KLHDC10: variants seen among roughly 807,000 people sequenced by gnomAD.
KLHDC10 encodes the protein kelch domain-containing protein 10.
Under a neutral mutation model 56.1 loss-of-function variants are expected in KLHDC10, and 24 were observed. The observed-to-expected ratio is 0.43, with a 90% CI of 0.31 to 0.60. The LOEUF (loss-of-function observed/expected upper bound fraction) is 0.60, where lower values mean the gene tolerates loss of function less well. Among genes scored for constraint, KLHDC10 ranks in the 20% least tolerant of loss-of-function variants. KLHDC10 has a pLI of 0.11. For synonymous variants in KLHDC10, 188 were observed against 207.1 expected (o/e 0.91, Z 0.79); for missense variants, 349 against 567.0 (o/e 0.62, Z 3.91).
chr7:130,110,796 T>A (rs75305171), intron 2 of KLHDC10, among the ~76,000 whole-genome samples: 9 of 152,210 alleles, frequency 5.9e-5, no homozygotes, highest in Non-Finnish European at 8.8e-5. Context: ...AGTTTTTTTT[T>A]AAAATGGCCT....
At chr7:130,082,349 G>C (rs1047787912) in intron 1 of KLHDC10, among the ~76,000 whole-genome samples, 5 of 152,100 alleles carry the variant, frequency 3.3e-5, no homozygotes, top group African/African-American at 1.2e-4. Flanking sequence ...ATTGGAAAAC[G>C]TAGAAAAATT....
At chr7:130,093,719 T>C (rs1223114403) in intron 1 of KLHDC10, among the ~76,000 whole-genome samples, 5 of 152,142 alleles carry the variant, frequency 3.3e-5, no homozygotes, top group Non-Finnish European at 7.4e-5. Context: ...TGGTTTCTCT[T>C]TTTTCTGCTC....
chr7:130,082,751 T>G (rs1470996022), intron 1 of KLHDC10, among the ~76,000 whole-genome samples: 1 of 152,238 alleles, frequency 6.6e-6, no homozygotes. Context: ...TCTACTCAAG[T>G]GCTCTTACTA....
intron 8 of KLHDC10, 132 bp downstream of exon 8, chr7:130,127,583 G>A (rs1317218132): frequency 3.1e-6 from 2 of 654,654 alleles, no homozygotes; most frequent in African/African-American, 1.8e-5. Context: ...AAACTTAAAG[G>A]GAAATTCATA....
Position 130,075,495 on chromosome 7 carries a change from A to G in KLHDC10, c.166+4686A>G, listed in dbSNP as rs1025916928. 4.6e-5 allele frequency among the ~76,000 whole-genome samples: 7 copies of G among 152,286 alleles called. No homozygotes were observed. In the East Asian group the frequency reaches 1.4e-3, roughly 29 times the overall value. ...CTTCCCTAGAAGCAACCAATGATAC[A>G]TTTCCTGTATATTTTTTCCAGGTTC... On this transcript the variant is annotated intron_variant, in intron 1 of 9. Transcript: ENST00000335420.
chr7:130,091,803 C>T (rs1795777028), intron 1 of KLHDC10, among the ~76,000 whole-genome samples: 1 of 151,860 alleles, frequency 6.6e-6, no homozygotes, highest in African/African-American at 2.4e-5. Flanking sequence ...TTTCTTGGGC[C>T]TTGTTTGTTA....
chr7:130,073,293 CTT>C (rs768140763), intron 1 of KLHDC10, among the ~76,000 whole-genome samples: 52,140 of 121,972 alleles, frequency 0.43, 9,835 homozygotes, highest in Middle Eastern at 0.56. Flanking sequence ...TCCTATTTGT[CTT>C]TTTTTTTTTT....
intron 2 of KLHDC10, among the ~76,000 whole-genome samples, chr7:130,102,883 T>A (rs149994289): frequency 6.6e-6 from 1 of 152,126 alleles, no homozygotes; most frequent in Non-Finnish European, 1.5e-5. Flanking sequence ...TAATGATTAA[T>A]GAATTAGTTT....
In KLHDC10 at chr7:130,107,866, AAG is replaced by A. The variant is rs1554465885; in HGVS notation, c.254-8576_254-8575del. On this transcript the variant is annotated intron_variant, in intron 2 of 9. Transcript: ENST00000335420. ...CTCAAAAAAAAAAAAAAAAAAAAAA[AAG>A]AGCCGGACGCGGTGGCCCGTACCGT... 7.1e-4 allele frequency among the ~76,000 whole-genome samples: 102 copies of A among 143,100 alleles called. 1 individual carries two copies. Among genetic ancestry groups the A allele is most frequent in the African/African-American group, 5.6e-4 (22 of 39,110 alleles). The allele number at this position is 143,100 out of a possible 152,430, so 93.9% of individuals were successfully genotyped here.
chr7:130,111,468 C>T (rs921369718), intron 2 of KLHDC10, among the ~76,000 whole-genome samples: 4 of 152,044 alleles, frequency 2.6e-5, no homozygotes, highest in Admixed American at 1.3e-4. Flanking sequence ...CTTTGGATGG[C>T]TGGGGCAGGA....
rs1796368074 is a variant in KLHDC10, at chr7:130,129,545, C to T, written c.1088C>T (p.Pro363Leu). 1 of 1,614,100 alleles carries T rather than the reference C, an allele frequency of 6.2e-7. No homozygotes were observed. Among genetic ancestry groups the T allele is most frequent in the Non-Finnish European group, 8.5e-7 (1 of 1,180,018 alleles). ...WVKLPATMPEPVYFHCAAVTP... is the reference protein window; with the variant it reads ...WVKLPATMPELVYFHCAAVTP... ...AAGCTCCCAGCTACCATGCCAGAGC[C>T]AGTTTATTTTCACTGTGCAGCTGTT... The change falls in exon 9 of 10, where the codon CCA becomes CTA. Residue 363 changes from proline to leucine, a missense_variant. Physicochemically the swap from Pro to Leu is moderately conservative, Grantham distance 98. Coordinates refer to ENST00000335420, the MANE Select transcript of KLHDC10 (RefSeq NM_014997.4).
intron 1 of KLHDC10, among the ~76,000 whole-genome samples, chr7:130,087,119 G>C (rs1320351772): frequency 1.3e-5 from 2 of 152,206 alleles, no homozygotes; most frequent in African/African-American, 4.8e-5. Context: ...TTAGACCCAG[G>C]CAATGTGGTT....
In KLHDC10 at chr7:130,127,442, A is replaced by G; in HGVS notation, c.970A>G (p.Ile324Val). 6.2e-7 allele frequency: 1 copy of G among 1,610,906 alleles called. No individual in the cohort carries two copies. The highest frequency in any genetic ancestry group is 8.5e-7 in the Non-Finnish European group (1 of 1,177,082). ...CCGAAGGTGTCACAGTTGTGTTCAA[A>G]TAAAAAATGGTAAGGATTCTAAATA... is the stretch of plus-strand genomic sequence containing the variant. ...AARRCHSCVQIKNDVFICGGY... is the reference protein window; with the variant it reads ...AARRCHSCVQVKNDVFICGGY... Residue 324 changes from isoleucine to valine, a missense_variant, in exon 8 of 10, where the codon ATA (isoleucine) becomes GTA (valine). Physicochemically the swap from Ile to Val is conservative, Grantham distance 29. This residue lies in a region of KLHDC10 where 245 missense variants were observed against 470.1 expected (regional missense o/e 0.52). Transcript: ENST00000335420.
At chr7:130,114,419 A>G (rs937541621) in intron 2 of KLHDC10, among the ~76,000 whole-genome samples, 1 of 152,210 alleles carries the variant, frequency 6.6e-6, no homozygotes, top group African/African-American at 2.4e-5. Flanking sequence ...TCAACATGAC[A>G]AATCTAACAA....
chr7:130,082,000 TACA>T (rs1795614938), intron 1 of KLHDC10, among the ~76,000 whole-genome samples: 1 of 152,000 alleles, frequency 6.6e-6, no homozygotes, highest in East Asian at 1.9e-4. Context: ...ATAAAAGGAA[TACA>T]AACTCATTAA....
chr7:130,076,097 G>A (rs1259139209), intron 1 of KLHDC10, among the ~76,000 whole-genome samples: 1 of 152,088 alleles, frequency 6.6e-6, no homozygotes, highest in East Asian at 1.9e-4. Context: ...TCCACCTCAG[G>A]TCATCAGGCA....
chr7:130,089,215 T>TG (rs1795736420), intron 1 of KLHDC10, among the ~76,000 whole-genome samples: 1 of 152,196 alleles, frequency 6.6e-6, no homozygotes. Flanking sequence ...AAAAGACTGC[T>TG]GGGCATGGTG....
At chr7:130,071,091 G>C (rs1004034253) in intron 1 of KLHDC10, among the ~76,000 whole-genome samples, 2 of 152,126 alleles carry the variant, frequency 1.3e-5, no homozygotes, top group African/African-American at 4.8e-5. Context: ...CAAATGTTTC[G>C]GTTACTCGAT....
At chr7:130,075,659 GTCTT>G (rs923219525) in intron 1 of KLHDC10, among the ~76,000 whole-genome samples, 2 of 152,150 alleles carry the variant, frequency 1.3e-5, no homozygotes, top group Admixed American at 6.5e-5. Context: ...ACATGAGAGA[GTCTT>G]TCTTTAGGAT....
Sources: allele counts gnomAD v4.1 joint callset (sites outside exome capture counted in the v4.1 genomes callset), GRCh38; gene constraint gnomAD v4.1.1; regional missense constraint gnomAD v4.1.1; transcripts MANE v1.5; gene names NCBI Gene and HGNC (gene_info 2026-07-23, HGNC 2026-07-21).